IMMP2L: variants seen among roughly 807,000 people sequenced by gnomAD.
The protein encoded by IMMP2L is inner mitochondrial membrane peptidase subunit 2, also known as mitochondrial inner membrane protease subunit 2.
In IMMP2L, 18 loss-of-function variants were observed where a neutral mutation model predicts 19.3. The observed-to-expected ratio is 0.93, with a 90% CI of 0.64 to 1.38. The LOEUF is 1.38. Among genes scored for constraint, IMMP2L ranks in the 40% most tolerant of loss-of-function variants. The pLI, the probability that IMMP2L is intolerant of heterozygous loss-of-function variation, is 0.00. For missense variants in IMMP2L, 233 were observed against 218.2 expected (o/e 1.07, Z -0.43); for synonymous variants, 76 against 73.0 (o/e 1.04, Z -0.21).
intron 3 of IMMP2L, among the ~76,000 whole-genome samples, chr7:111,007,646 C>T (rs763544737): frequency 1.3e-4 from 20 of 151,964 alleles, no homozygotes; most frequent in Non-Finnish European, 1.9e-4. Context: ...ATACCACTGA[C>T]GTGTACGTAT....
chr7:110,942,478 C>A (rs922691243), intron 4 of IMMP2L, among the ~76,000 whole-genome samples: 7 of 151,858 alleles, frequency 4.6e-5, no homozygotes, highest in Non-Finnish European at 8.8e-5. Flanking sequence ...AGTTTAACTG[C>A]TGTGTACGCT....
chr7:111,261,800 A>G (rs906420330), intron 3 of IMMP2L, among the ~76,000 whole-genome samples: 1 of 152,178 alleles, frequency 6.6e-6, no homozygotes, highest in South Asian at 2.1e-4. Context: ...CGGGGGAAAG[A>G]CAAATATGTA....
chr7:110,731,810 G>A (rs1435354177), intron 5 of IMMP2L, among the ~76,000 whole-genome samples: 2 of 152,094 alleles, frequency 1.3e-5, no homozygotes, highest in African/African-American at 4.8e-5. Flanking sequence ...CGATAAAAGG[G>A]ACTTAACTAA....
At chr7:110,664,786 C>A (rs1421539975) in intron 5 of IMMP2L, 1 of 152,066 alleles carries the variant, frequency 6.6e-6, no homozygotes, top group Non-Finnish European at 1.5e-5. Context: ...TTACTGAGTG[C>A]CGGTTATAAA....
At position 111,040,677 on chromosome 7, in the gene IMMP2L, AAG is replaced by A. The variant is rs570881436; in HGVS notation, c.240-77114_240-77113del. Reference sequence around the variant, plus strand: ...ACTGACAGAATTAGAAAGGCAAAGAAAGAGAGTAAGAATTTGATTTAAATATA... The same window carrying A: ...ACTGACAGAATTAGAAAGGCAAAGAAAGAGTAAGAATTTGATTTAAATATA... On this transcript the variant is annotated intron_variant, in intron 3 of 5. Transcript: ENST00000405709. 6.6e-3 allele frequency among the ~76,000 whole-genome samples: 981 copies of A among 149,634 alleles called. 10 individuals are homozygous for A. The highest frequency in any genetic ancestry group is 0.022 in the African/African-American group (919 of 41,046).
intron 5 of IMMP2L, among the ~76,000 whole-genome samples, chr7:110,819,104 TATA>T (rs148352040): frequency 0.12 from 17,732 of 151,528 alleles, 1,317 homozygotes; most frequent in East Asian, 0.19. Context: ...AAACTTAAAG[TATA>T]ATAATAACAA....
chr7:110,859,921 T>C (rs115249615), intron 5 of IMMP2L, among the ~76,000 whole-genome samples: 1 of 152,128 alleles, frequency 6.6e-6, no homozygotes, highest in Non-Finnish European at 1.5e-5. Flanking sequence ...TAAAAAATTA[T>C]GAATTGTACT....
intron 5 of IMMP2L, among the ~76,000 whole-genome samples, chr7:110,741,279 C>T (rs1796973874): frequency 6.6e-6 from 1 of 151,936 alleles, no homozygotes; most frequent in Non-Finnish European, 1.5e-5. Flanking sequence ...CGACCTGTTC[C>T]CCCAAAACCC....
chr7:111,360,122 T>C (rs1829119698), intron 3 of IMMP2L, among the ~76,000 whole-genome samples: 1 of 101,354 alleles, frequency 9.9e-6, no homozygotes, highest in Non-Finnish European at 1.8e-5. Context: ...TTCGCCATAA[T>C]GTGATTACAA....
chr7:110,725,407 G>C (rs1177059763), intron 5 of IMMP2L, among the ~76,000 whole-genome samples: 1 of 151,856 alleles, frequency 6.6e-6, no homozygotes, highest in Non-Finnish European at 1.5e-5. Context: ...CTATCCTTTG[G>C]AAATAGATGA....
intron 3 of IMMP2L, among the ~76,000 whole-genome samples, chr7:111,051,513 C>T (rs1793005510): frequency 6.6e-6 from 1 of 152,170 alleles, no homozygotes; most frequent in Non-Finnish European, 1.5e-5. Context: ...TTGATAAAAA[C>T]TCTTTATAAA....
chr7:110,674,814 C>T (rs1413995227), intron 5 of IMMP2L, among the ~76,000 whole-genome samples: 2 of 152,144 alleles, frequency 1.3e-5, no homozygotes, highest in East Asian at 1.9e-4. Context: ...ACTCTCAGGG[C>T]CTCTCCAGAG....
At chr7:111,077,869 A>G (rs531431721) in intron 3 of IMMP2L, among the ~76,000 whole-genome samples, 1 of 152,290 alleles carries the variant, frequency 6.6e-6, no homozygotes, top group African/African-American at 2.4e-5. Context: ...TCCCTAGGAT[A>G]TGCCAAGGAC....
At chr7:110,805,693 C>A (rs566860546) in intron 5 of IMMP2L, among the ~76,000 whole-genome samples, 44 of 151,874 alleles carry the variant, frequency 2.9e-4, no homozygotes, top group Non-Finnish European at 5.0e-4. Context: ...GTAATAGAAT[C>A]ATAAAATTGT....
chr7:111,368,995 T>C (rs1830041007), intron 3 of IMMP2L, among the ~76,000 whole-genome samples: 1 of 151,976 alleles, frequency 6.6e-6, no homozygotes, highest in Non-Finnish European at 1.5e-5. Flanking sequence ...TTATGTTTTA[T>C]AGAAAGGACC....
chr7:110,759,498 T>C (rs1448942983), intron 5 of IMMP2L, among the ~76,000 whole-genome samples: 4 of 152,142 alleles, frequency 2.6e-5, no homozygotes, highest in Non-Finnish European at 5.9e-5. Flanking sequence ...TGTATAAGTG[T>C]TCATGAGAAA....
chr7:111,270,057 CTGTGTGTG>C (rs58848663), intron 3 of IMMP2L, among the ~76,000 whole-genome samples: 1,637 of 140,620 alleles, frequency 0.012, 33 homozygotes, highest in African/African-American at 0.039. Flanking sequence ...GCATGTGTGT[CTGTGTGTG>C]TGTGTGTGTG....
At chr7:111,330,524 G>C (rs1825774184) in intron 3 of IMMP2L, among the ~76,000 whole-genome samples, 1 of 151,472 alleles carries the variant, frequency 6.6e-6, no homozygotes, top group Non-Finnish European at 1.5e-5. Flanking sequence ...AAAAAAACTT[G>C]TAACAATCAA....
intron 3 of IMMP2L, chr7:111,124,631 A>G (rs1482299240): frequency 6.2e-7 from 1 of 1,614,040 alleles, no homozygotes; most frequent in African/African-American, 1.3e-5. Context: ...GATCAAAAAG[A>G]GTATGAAAAG....
Sources: gnomAD v4.1 joint callset for allele counts (sites outside exome capture counted in the v4.1 genomes callset) on GRCh38, gnomAD v4.1.1 for gene constraint, MANE v1.5 for transcripts, NCBI Gene and HGNC (gene_info 2026-07-23, HGNC 2026-07-21) for gene names.